Variants in USH2A observed in about 807,000 individuals in gnomAD.
USH2A encodes Usher syndrome 2A (autosomal recessive, mild).
USH2A carries 443 observed loss-of-function variants against 538.9 expected under a neutral mutation model. The ratio of observed to expected loss-of-function variants is 0.82; its 90% CI spans 0.76 to 0.89. The LOEUF is 0.89. Among genes scored for constraint, USH2A ranks in the 40% least tolerant of loss-of-function variants. USH2A has a pLI of 0.00. For synonymous variants in USH2A, 2,413 were observed against 2,273.5 expected, an observed-to-expected ratio of 1.06 and a Z score of -1.75; for missense variants, 6,633 against 6,324.8, an observed-to-expected ratio of 1.05 and a Z score of -1.65.
Position 216,084,717 on chromosome 1 carries a change from T to C in USH2A, c.5148A>G (p.Gly1716=). ...CATTACCTGCTCCTAGGAACTGAGCTCCCTCATTTAATGAAGCGGGACATC... is the reference window on the plus strand; with the variant it reads ...CATTACCTGCTCCTAGGAACTGAGCCCCCTCATTTAATGAAGCGGGACATC... ...WEGCPASLNE[G]AQFLGAGFLE... The change falls in exon 25 of 72, where the codon GGA becomes GGG. Residue 1716 remains glycine (G), a synonymous_variant. Transcript: ENST00000307340. 2 of 1,613,256 alleles carry C rather than the reference T, an allele frequency of 1.2e-6. No individual in the cohort carries two copies. The highest frequency in any genetic ancestry group is 1.7e-6 in the Non-Finnish European group (2 of 1,179,584).
intron 38 of USH2A, among the ~76,000 whole-genome samples, chr1:215,926,411 G>T (rs2102492814): frequency 6.6e-6 from 1 of 152,112 alleles, no homozygotes; most frequent in African/African-American, 2.4e-5. Context: ...CTCAGACTCA[G>T]TCCCTAATCA....
chr1:215,793,922 T>A (rs1205206824), intron 50 of USH2A, among the ~76,000 whole-genome samples: 1 of 152,198 alleles, frequency 6.6e-6, no homozygotes, highest in Non-Finnish European at 1.5e-5. Flanking sequence ...ATTTTTCACC[T>A]TTTCATACTA....
intron 60 of USH2A, among the ~76,000 whole-genome samples, chr1:215,737,036 C>T (rs1452522435): frequency 2.0e-5 from 3 of 151,768 alleles, no homozygotes; most frequent in African/African-American, 2.4e-5. Context: ...GCTGTGGTAA[C>T]GAAAACTTGA....
chr1:215,805,539 T>C (rs1028767862), intron 49 of USH2A, among the ~76,000 whole-genome samples: 24 of 152,164 alleles, frequency 1.6e-4, no homozygotes, highest in African/African-American at 5.1e-4. Context: ...GCAAATGCAC[T>C]CAATGCCACT....
At chr1:216,146,828 CT>C (rs1465980726) in intron 21 of USH2A, among the ~76,000 whole-genome samples, 2 of 152,068 alleles carry the variant, frequency 1.3e-5, no homozygotes, top group East Asian at 3.9e-4. Context: ...TCCATTCCTC[CT>C]TCTTCTCCTT....
intron 37 of USH2A, among the ~76,000 whole-genome samples, chr1:215,941,239 T>C (rs1349887452): frequency 1.3e-5 from 2 of 152,080 alleles, no homozygotes; most frequent in Admixed American, 1.3e-4. Context: ...GATATATGTA[T>C]ATATGCATGT....
chr1:216,041,679 C>A (rs1444146501), intron 32 of USH2A, among the ~76,000 whole-genome samples: 2 of 151,960 alleles, frequency 1.3e-5, no homozygotes, highest in African/African-American at 4.8e-5. Context: ...CCAGAAAAAA[C>A]AGGATAGCTC....
rs76750166 is a variant in USH2A at position 215,759,049 on chromosome 1, A to G, written c.11232-297T>C. 0.013 allele frequency among the ~76,000 whole-genome samples: 1,999 copies of G among 152,296 alleles called. 40 individuals carry two copies. Among genetic ancestry groups the G allele is most frequent in the African/African-American group, 0.045 (1,873 of 41,562 alleles). On this transcript the variant is annotated intron_variant, in intron 57 of 71. Coordinates refer to ENST00000307340, the MANE Select transcript of USH2A (RefSeq NM_206933.4). ...GGTGGATTGTGGAGGATTCAAATTA[A>G]TCTTCCCCATTTTTAAATAGGTTGG...
In USH2A at chr1:216,242,270, C is replaced by T. The variant is rs1033844922; in HGVS notation, c.2809+4315G>A. Among the ~76,000 whole-genome samples the T allele has an allele frequency of 3.3e-5, 5 of 151,366 alleles. No homozygotes were observed. The East Asian group carries it at 9.7e-4, about 29-fold the overall frequency. Reference sequence around the variant, plus strand: ...GGCTGAGGCAGGAGAATGACATGAACCTGGGAGGCAGAGCTGGCAGTGAGC... The same window carrying T: ...GGCTGAGGCAGGAGAATGACATGAATCTGGGAGGCAGAGCTGGCAGTGAGC... On this transcript the variant is annotated intron_variant, in intron 13 of 71. Transcript: ENST00000307340.
chr1:216,381,800 G>T (rs1489315960), intron 3 of USH2A, among the ~76,000 whole-genome samples: 4 of 152,116 alleles, frequency 2.6e-5, no homozygotes, highest in African/African-American at 4.8e-5. Flanking sequence ...ATTGGTTCCA[G>T]GATCCAGGCA....
intron 3 of USH2A, among the ~76,000 whole-genome samples, chr1:216,417,614 CCTTT>C (rs1425574230): frequency 6.6e-6 from 1 of 152,082 alleles, no homozygotes; most frequent in Non-Finnish European, 1.5e-5. Context: ...GAAGTACCTC[CCTTT>C]CTTTCTTTTC....
At chr1:216,082,813 C>G (rs887453697) in intron 26 of USH2A, among the ~76,000 whole-genome samples, 3 of 151,984 alleles carry the variant, frequency 2.0e-5, no homozygotes, top group Non-Finnish European at 2.9e-5. Context: ...AAATGTATAC[C>G]TATGTGGACA....
chr1:215,844,385 T>C lies in USH2A; in HGVS notation c.9167A>G (p.Tyr3056Cys). 6.2e-7 allele frequency: 1 copy of C among 1,613,790 alleles called. No individual in the cohort carries two copies. The change falls in exon 46 of 72, where the codon TAT (tyrosine) becomes TGT (cysteine). Residue 3056 changes from tyrosine to cysteine, a missense_variant. Coordinates refer to ENST00000307340, the MANE Select transcript of USH2A (RefSeq NM_206933.4). Reference sequence around the variant, plus strand: ...AGTCTTGTAGAGCTTATTATTTACATAGATAGAATACTCAGTGACAACACC... The same window carrying C: ...AGTCTTGTAGAGCTTATTATTTACACAGATAGAATACTCAGTGACAACACC... ...PNGVVTEYSI[Y>C]VNNKLYKTGM...
intron 32 of USH2A, among the ~76,000 whole-genome samples, chr1:216,026,030 A>G (rs1262201892): frequency 6.6e-6 from 1 of 152,092 alleles, no homozygotes; most frequent in African/African-American, 2.4e-5. Context: ...AGCCTTTTAA[A>G]GGTGTGGTAT....
At chr1:216,277,869 G>A (rs2036700501) in intron 11 of USH2A, among the ~76,000 whole-genome samples, 1 of 152,234 alleles carries the variant, frequency 6.6e-6, no homozygotes, top group Non-Finnish European at 1.5e-5. Flanking sequence ...AATGGAAGGA[G>A]CATGTGTCCC....
At chr1:215,856,357 AAG>A (rs1664167115) in intron 44 of USH2A, among the ~76,000 whole-genome samples, 3 of 152,056 alleles carry the variant, frequency 2.0e-5, no homozygotes, top group South Asian at 2.1e-4. Context: ...ACAAACAATC[AAG>A]TCAAAAAGTG....
At chr1:215,745,603 C>G (rs1185394180) in intron 58 of USH2A, among the ~76,000 whole-genome samples, 1 of 152,164 alleles carries the variant, frequency 6.6e-6, no homozygotes, top group Non-Finnish European at 1.5e-5. Flanking sequence ...AACGAACCCT[C>G]AAGACAATAC....
At chr1:215,979,776 A>G (rs920481825) in intron 35 of USH2A, among the ~76,000 whole-genome samples, 2 of 152,300 alleles carry the variant, frequency 1.3e-5, no homozygotes, top group African/African-American at 2.4e-5. Context: ...TAAAATCACT[A>G]TTCAGAAAAG....
intron 13 of USH2A, among the ~76,000 whole-genome samples, chr1:216,243,883 A>T (rs890743361): frequency 2.0e-5 from 3 of 152,214 alleles, no homozygotes; most frequent in African/African-American, 7.2e-5. Flanking sequence ...TTCAGAAAAA[A>T]GAAGCATAAT....
Sources: allele counts gnomAD v4.1 joint callset (sites outside exome capture counted in the v4.1 genomes callset), GRCh38; gene constraint gnomAD v4.1.1; transcripts MANE v1.5; gene names NCBI Gene and HGNC (gene_info 2026-07-23, HGNC 2026-07-21).